Variants in KLHL8 observed in about 807,000 individuals in gnomAD.
The protein encoded by KLHL8 is kelch like family member 8, also known as kelch-like protein 8.
KLHL8 carries 38 observed loss-of-function variants against 63.5 expected under a neutral mutation model. That is an observed-to-expected ratio of 0.60 (90% confidence interval 0.46 to 0.78). The LOEUF (loss-of-function observed/expected upper bound fraction) is 0.78, where lower values mean the gene tolerates loss of function less well. KLHL8 is among the 30% of genes least tolerant of loss of function. The pLI is 0.00. For missense variants in KLHL8, 566 were observed against 752.4 expected (o/e 0.75, Z 2.90); for synonymous variants, 224 against 254.3 (o/e 0.88, Z 1.13).
At chr4:87,205,390 G>C (rs1031693268) in intron 1 of KLHL8, among the ~76,000 whole-genome samples, 42 of 146,838 alleles carry the variant, frequency 2.9e-4, no homozygotes, top group Non-Finnish European at 5.4e-4. Context: ...CGGGGTGACA[G>C]AGTAAGATTC....
intron 4 of KLHL8, 66 bp from the exon 5 acceptor site, chr4:87,178,686 A>C: frequency 1.4e-6 from 2 of 1,446,720 alleles, no homozygotes; most frequent in Non-Finnish European, 1.8e-6. Context: ...TAGAAAGCCA[A>C]AACTTTGGAT....
intron 5 of KLHL8, 80 bp downstream of exon 5, chr4:87,178,397 A>G: frequency 7.3e-7 from 1 of 1,368,574 alleles, no homozygotes; most frequent in South Asian, 1.4e-5. Context: ...ATTTTCTTAT[A>G]TAAAAATAAA....
At chr4:87,208,561 C>A (rs1389279111) in intron 1 of KLHL8, among the ~76,000 whole-genome samples, 1 of 152,082 alleles carries the variant, frequency 6.6e-6, no homozygotes, top group African/African-American at 2.4e-5. Flanking sequence ...TGGTCTTGAA[C>A]TCCTGGACTC....
intron 1 of KLHL8, among the ~76,000 whole-genome samples, chr4:87,215,170 G>A (rs539754864): frequency 6.6e-6 from 1 of 152,162 alleles, no homozygotes; most frequent in South Asian, 2.1e-4. Flanking sequence ...GATTCCCATA[G>A]GTAAAATTTT....
chr4:87,195,601 G>A lies in KLHL8; in HGVS notation c.-62C>T, dbSNP rs1731665296. On this transcript the variant is annotated 5_prime_UTR_variant, in exon 2 of 10. Transcript: ENST00000273963. ...AACATGCCATTTATTTTTTTTCAAAGGGTAGAGAGAAGGCAGAAGGTAGAT... is the reference window on the plus strand; with the variant it reads ...AACATGCCATTTATTTTTTTTCAAAAGGTAGAGAGAAGGCAGAAGGTAGAT... 7.0e-7 allele frequency: 1 copy of A among 1,425,242 alleles called. No homozygotes were observed. Among genetic ancestry groups the A allele is most frequent in the South Asian group, 1.2e-5 (1 of 83,522 alleles). 88.3% of individuals were successfully genotyped at this position (1,425,242 alleles called of 1,614,324 possible).
chr4:87,193,017 T>G (rs1385078962), intron 2 of KLHL8, among the ~76,000 whole-genome samples: 1 of 152,172 alleles, frequency 6.6e-6, no homozygotes, highest in Non-Finnish European at 1.5e-5. Flanking sequence ...CCTAGGACTT[T>G]ATTGTACACT....
chr4:87,226,632 C>CTTATATAAATAATATATATATTAT (rs1732984608), intron 1 of KLHL8, among the ~76,000 whole-genome samples: 3 of 59,570 alleles, frequency 5.0e-5, no homozygotes, highest in African/African-American at 1.3e-4. Flanking sequence ...ATATATATTA[C>CTTATATAAATAATATATATATTAT]TTATATAAAT....
At chr4:87,229,195 AGG>A (rs1733088346) in intron 1 of KLHL8, among the ~76,000 whole-genome samples, 1 of 152,194 alleles carries the variant, frequency 6.6e-6, no homozygotes, top group African/African-American at 2.4e-5. Flanking sequence ...AGAAGGCCAG[AGG>A]GTAATTAGAT....
At chr4:87,228,975 C>T (rs1256466701) in intron 1 of KLHL8, among the ~76,000 whole-genome samples, 5 of 152,168 alleles carry the variant, frequency 3.3e-5, no homozygotes, top group South Asian at 4.1e-4. Flanking sequence ...AGTGATTCCC[C>T]TTGGGAGTTT....
intron 1 of KLHL8, among the ~76,000 whole-genome samples, chr4:87,201,540 T>C (rs1033827378): frequency 2.0e-5 from 3 of 152,206 alleles, no homozygotes; most frequent in East Asian, 1.9e-4. Context: ...CTGGATTTCA[T>C]GGGTGCTTAT....
chr4:87,237,016 C>T (rs972836916), intron 1 of KLHL8, among the ~76,000 whole-genome samples: 6 of 152,078 alleles, frequency 3.9e-5, no homozygotes, highest in Admixed American at 1.3e-4. Context: ...ACTTTGACAG[C>T]GGGAAGTTTC....
intron 1 of KLHL8, among the ~76,000 whole-genome samples, chr4:87,229,045 A>G (rs940574116): frequency 1.1e-4 from 16 of 152,248 alleles, no homozygotes; most frequent in African/African-American, 3.4e-4. Flanking sequence ...TTTCTTTTTC[A>G]AAGAAGCAGA....
At position 87,200,935 on chromosome 4, in the gene KLHL8, A is replaced by T. The variant is rs1731897014; in HGVS notation, c.-151-5245T>A. On this transcript the variant is annotated intron_variant, in intron 1 of 9. Transcript: ENST00000273963. ...TGGAAAAAGAAAATGTGATTTATAC[A>T]TACAATGGAATACCATTCAGATTCA... Among the ~76,000 whole-genome samples, 4 of 152,242 alleles carry T rather than the reference A, an allele frequency of 2.6e-5. No homozygotes were observed. In the South Asian group the frequency reaches 8.3e-4, roughly 31 times the overall value.
At chr4:87,165,390 T>A (rs1005074909) in intron 8 of KLHL8, among the ~76,000 whole-genome samples, 6 of 152,032 alleles carry the variant, frequency 3.9e-5, no homozygotes, top group Admixed American at 6.6e-5. Flanking sequence ...AGGGTTTTTT[T>A]AAATTTTTGT....
intron 8 of KLHL8, chr4:87,167,585 C>A: frequency 1.9e-6 from 1 of 514,430 alleles, no homozygotes; most frequent in Middle Eastern, 6.1e-4. Context: ...AGAAGAAGGG[C>A]AGTGCCATCC....
At chr4:87,167,368 A>G (rs1578357527) in intron 8 of KLHL8, 1 of 441,222 alleles carries the variant, frequency 2.3e-6, no homozygotes, top group Non-Finnish European at 4.4e-6. Flanking sequence ...ATCTACAGAT[A>G]TGGTTTTATT....
At chr4:87,171,866 C>A (rs892190985) in intron 6 of KLHL8, among the ~76,000 whole-genome samples, 1 of 152,170 alleles carries the variant, frequency 6.6e-6, no homozygotes, top group Admixed American at 6.5e-5. Flanking sequence ...CCCATTCTTT[C>A]CACAGATTTG....
At chr4:87,222,199 G>T (rs1732885576), upstream of KLHL8, among the ~76,000 whole-genome samples, 1 of 152,214 alleles carries the variant, frequency 6.6e-6, no homozygotes, top group Non-Finnish European at 1.5e-5. Flanking sequence ...AAAGACTGAA[G>T]TCTGTCAACA....
intron 1 of KLHL8, among the ~76,000 whole-genome samples, chr4:87,213,910 A>G (rs1310391731): frequency 6.6e-6 from 1 of 152,178 alleles, no homozygotes; most frequent in Non-Finnish European, 1.5e-5. Context: ...ATTCTGTGTT[A>G]ATTGTGCAGC....
Sources: allele counts gnomAD v4.1 joint callset (sites outside exome capture counted in the v4.1 genomes callset), GRCh38; gene constraint gnomAD v4.1.1; transcripts MANE v1.5; gene names NCBI Gene and HGNC (gene_info 2026-07-23, HGNC 2026-07-21).